EFHC2: variants seen among roughly 807,000 people sequenced by gnomAD.
EFHC2 encodes EF-hand domain containing 2.
Under a neutral mutation model 52.7 loss-of-function variants are expected in EFHC2, and 18 were observed. That is an observed-to-expected ratio of 0.34 (90% CI 0.24 to 0.51). The LOEUF (loss-of-function observed/expected upper bound fraction) is 0.51. Ranked by LOEUF, EFHC2 falls within the 20% of genes least tolerant of loss-of-function variation. The pLI is 0.97. For synonymous variants in EFHC2, 203 were observed against 204.1 expected (o/e 0.99, Z 0.04); for missense variants, 513 against 562.5 (o/e 0.91, Z 0.89).
At chrX:44,189,384 G>A (rs962273359) in intron 11 of EFHC2, among the ~76,000 whole-genome samples, 27 of 112,063 alleles carry the variant, frequency 2.4e-4, no homozygotes, top group African/African-American at 8.8e-4. Context: ...AGTAAGTGGT[G>A]GAGCCAAGAA....
At chrX:44,210,252 T>C (rs1296548213) in intron 11 of EFHC2, among the ~76,000 whole-genome samples, 1 of 111,855 alleles carries the variant, frequency 8.9e-6, no homozygotes, top group African/African-American at 3.3e-5. Context: ...AGGCTCAATA[T>C]TGTCTCCAAA....
At chrX:44,292,663 A>T (rs762090514) in intron 2 of EFHC2, among the ~76,000 whole-genome samples, 1 of 111,475 alleles carries the variant, frequency 9.0e-6, no homozygotes, top group African/African-American at 3.3e-5. Context: ...GTAATTCCCA[A>T]TGTTGGAGGT....
At chrX:44,239,289 T>G (rs2037343416) in intron 8 of EFHC2, among the ~76,000 whole-genome samples, 1 of 112,134 alleles carries the variant, frequency 8.9e-6, no homozygotes, top group African/African-American at 3.2e-5. Flanking sequence ...GTCATCTGTC[T>G]CTTCTATCCA....
At chrX:44,305,240 C>T (rs965983388) in intron 2 of EFHC2, among the ~76,000 whole-genome samples, 1 of 109,953 alleles carries the variant, frequency 9.1e-6, no homozygotes, top group Non-Finnish European at 1.9e-5. Flanking sequence ...CCAGCCTGGG[C>T]AACAGAGCGA....
At chrX:44,176,250 CTA>C in intron 13 of EFHC2, 40 bp downstream of exon 13, 3 of 1,040,877 alleles carry the variant, frequency 2.9e-6, no homozygotes, top group Non-Finnish European at 3.9e-6. Flanking sequence ...CCAAATAAAA[CTA>C]TGCAGGACAA....
At chrX:44,227,104 A>C (rs1235560392) in intron 11 of EFHC2, among the ~76,000 whole-genome samples, 2 of 110,818 alleles carry the variant, frequency 1.8e-5, no homozygotes, top group Non-Finnish European at 3.8e-5. Context: ...AATAAGTCAT[A>C]AGGCTAAAGC....
intron 14 of EFHC2, among the ~76,000 whole-genome samples, chrX:44,156,616 T>C (rs750233541): frequency 8.0e-5 from 9 of 112,149 alleles, no homozygotes; most frequent in Non-Finnish European, 1.5e-4. Flanking sequence ...TGAAAGAGAG[T>C]GCTTTAGAGC....
In EFHC2 at chrX:44,250,445, C is replaced by T; in HGVS notation, c.607G>A (p.Val203Ile). The stretch of plus-strand genomic sequence containing the variant: ...CGTAAGGGCTCTACGTGTTCTACAA[C>T]CTGCAAATGGAGAAAATGTCAATAA... ...EDPYMKIRRE[V>I]VEHVEPLRPY... Residue 203 changes from valine (V) to isoleucine (I), a missense_variant and splice_region_variant, in exon 5 of 15, where the codon GTT becomes ATT. Val to Ile is a conservative substitution (Grantham distance 29). Coordinates refer to ENST00000420999, the MANE Select transcript of EFHC2 (RefSeq NM_025184.4). The T allele has an allele frequency of 8.4e-7, 1 of 1,186,200 alleles. No individual in the cohort carries two copies. The highest frequency in any genetic ancestry group is 1.8e-5 in the African/African-American group (1 of 56,956).
intron 13 of EFHC2, among the ~76,000 whole-genome samples, chrX:44,164,454 C>G (rs1343813545): frequency 1.8e-5 from 2 of 111,943 alleles, no homozygotes; most frequent in African/African-American, 3.2e-5. Context: ...TTAAGGCAAG[C>G]TAGATTCATT....
intron 11 of EFHC2, among the ~76,000 whole-genome samples, chrX:44,228,315 T>C (rs2037248236): frequency 9.0e-6 from 1 of 111,700 alleles, no homozygotes; most frequent in Admixed American, 9.5e-5. Context: ...AAAAGCCCTA[T>C]AAACTCACTA....
At chrX:44,173,322 G>A (rs888667324) in intron 13 of EFHC2, among the ~76,000 whole-genome samples, 4 of 111,953 alleles carry the variant, frequency 3.6e-5, no homozygotes, top group Admixed American at 1.9e-4. Context: ...GACTGTAGAC[G>A]TCAGAGGGGG....
chrX:44,274,761 G>A (rs2037642632), intron 2 of EFHC2, among the ~76,000 whole-genome samples: 1 of 110,523 alleles, frequency 9.0e-6, no homozygotes, highest in South Asian at 3.9e-4. Context: ...GCTTGGTTAC[G>A]TGTACTTGTA....
rs762672226 is a variant in EFHC2 at position 44,153,846 on chromosome X, G to T, written c.2149-4950C>A. 2.7e-5 allele frequency among the ~76,000 whole-genome samples: 3 copies of T among 112,209 alleles called. No homozygotes were observed. The East Asian group carries it at 8.4e-4, about 31-fold the overall frequency. ...TTATAGAATCTTTATGAAAATCTGG[G>T]CAGTGAGTTAAAATACTGTCTTCAT... On this transcript the variant is annotated intron_variant, in intron 14 of 14. Transcript: ENST00000420999.
chrX:44,180,346 C>T (rs185572999), intron 11 of EFHC2, among the ~76,000 whole-genome samples: 2,980 of 112,241 alleles, frequency 0.027, 105 homozygotes, highest in African/African-American at 0.091. Context: ...TAAGTAACCA[C>T]AAAAGAGCCA....
intron 1 of EFHC2, among the ~76,000 whole-genome samples, chrX:44,314,902 A>C (rs2037973917): frequency 9.0e-6 from 1 of 111,203 alleles, no homozygotes; most frequent in African/African-American, 3.3e-5. Context: ...TGAAGAAAAA[A>C]ACCCACAATC....
intron 11 of EFHC2, among the ~76,000 whole-genome samples, chrX:44,183,009 T>G (rs2036847031): frequency 9.0e-6 from 1 of 111,633 alleles, no homozygotes; most frequent in Admixed American, 9.6e-5. Context: ...AAGACATAAT[T>G]CCATTAAAGT....
At chrX:44,209,942 C>T (rs1052684286) in intron 11 of EFHC2, among the ~76,000 whole-genome samples, 5 of 110,463 alleles carry the variant, frequency 4.5e-5, no homozygotes, top group Admixed American at 3.9e-4. Context: ...TACTGACTCC[C>T]ATCACTCCCA....
chrX:44,302,812 C>G (rs1271005727), intron 2 of EFHC2, among the ~76,000 whole-genome samples: 1 of 111,568 alleles, frequency 9.0e-6, no homozygotes, highest in African/African-American at 3.3e-5. Context: ...ATTATATAAA[C>G]CTATAGAAAG....
At chrX:44,320,963 C>G (rs754282934) in intron 1 of EFHC2, among the ~76,000 whole-genome samples, 2 of 111,384 alleles carry the variant, frequency 1.8e-5, no homozygotes, top group South Asian at 7.6e-4. Context: ...TTAAGGAACA[C>G]TGGATTTTGT....
Sources: allele counts gnomAD v4.1 joint callset (sites outside exome capture counted in the v4.1 genomes callset), GRCh38; gene constraint gnomAD v4.1.1; transcripts MANE v1.5; gene names NCBI Gene and HGNC (gene_info 2026-07-23, HGNC 2026-07-21).